CCDC190: variants seen among roughly 807,000 people sequenced by gnomAD.
The protein encoded by CCDC190 is coiled-coil domain containing 190, also known as coiled-coil domain-containing protein 190.
CCDC190 carries 10 observed loss-of-function variants against 13.1 expected under a neutral mutation model. The ratio of observed to expected loss-of-function variants is 0.77; its 90% CI spans 0.47 to 1.30. The LOEUF (loss-of-function observed/expected upper bound fraction) is 1.30. CCDC190 is among the 50% of genes most tolerant of loss of function. The pLI is 0.00. For missense variants in CCDC190, 375 were observed against 354.3 expected, an observed-to-expected ratio of 1.06 and a Z score of -0.47; for synonymous variants, 136 against 127.2, an observed-to-expected ratio of 1.07 and a Z score of -0.47.
intron 2 of CCDC190, among the ~76,000 whole-genome samples, chr1:162,857,545 T>C (rs901365860): frequency 6.6e-6 from 1 of 152,198 alleles, no homozygotes; most frequent in Non-Finnish European, 1.5e-5. Flanking sequence ...GCAGTGATCA[T>C]GTATGCGCCT....
intron 1 of CCDC190, among the ~76,000 whole-genome samples, chr1:162,859,998 C>T (rs1241495205): frequency 6.6e-6 from 1 of 151,100 alleles, no homozygotes; most frequent in African/African-American, 2.4e-5. Context: ...ATATATAAGG[C>T]ATTATTTACC....
At position 162,859,393 on chromosome 1, in the gene CCDC190, G is replaced by A. The variant is rs1033174943; in HGVS notation, c.187+67C>T. 2.0e-5 allele frequency: 29 copies of A among 1,424,656 alleles called. 1 individual carries two copies. Among genetic ancestry groups the A allele is most frequent in the Middle Eastern group, 2.2e-4 (1 of 4,446 alleles). 88.3% of individuals were successfully genotyped at this position (1,424,656 alleles called of 1,614,324 possible). A position where few individuals can be genotyped will look rare whatever the true frequency, so the allele number is the denominator to read the frequency against. On this transcript the variant is annotated intron_variant, in intron 2 of 3. Coordinates refer to ENST00000367912, the MANE Select transcript of CCDC190 (RefSeq NM_001394065.1). ...CTCAGAGCTCTGAAAGGGCCTCAGCGGAGTGATGGGCCTGCTGCCCTGCTG... is the reference window on the plus strand; with the variant it reads ...CTCAGAGCTCTGAAAGGGCCTCAGCAGAGTGATGGGCCTGCTGCCCTGCTG...
At position 162,855,442 on chromosome 1, in the gene CCDC190, C is replaced by G. The variant is rs956552962; in HGVS notation, c.312-83G>C. On this transcript the variant is annotated intron_variant, in intron 3 of 3. Transcript: ENST00000367912. ...ACCTTTCAACTTATTAGGATGTGGC[C>G]CCCTTCAGTATCGGCCAAGGTAATA... is the stretch of plus-strand genomic sequence containing the variant. 2.2e-5 allele frequency: 33 copies of G among 1,490,888 alleles called. No individual in the cohort carries two copies. In the South Asian group the frequency reaches 4.3e-4, roughly 19 times the overall value. The allele number at this position is 1,490,888 out of a possible 1,614,324, so 92.4% of individuals were successfully genotyped here.
Position 162,852,458 on chromosome 1 carries a change from G to C in CCDC190, c.*2307C>G, listed in dbSNP as rs1184301128. ...ATGCAGCAGCGTTCTCTTTGATTGA[G>C]TTAAGTTGTACTAATCAGAGTATTA... On this transcript the variant is annotated 3_prime_UTR_variant, in exon 4 of 4. Transcript: ENST00000367912. 6.6e-6 allele frequency: 1 copy of C among 152,282 alleles called. No individual in the cohort carries two copies. Among genetic ancestry groups the C allele is most frequent in the Non-Finnish European group, 1.5e-5 (1 of 68,096 alleles). 9.4% of individuals were successfully genotyped at this position (152,282 alleles called of 1,614,324 possible).
chr1:162,862,477 C>T (rs1650555471), upstream of CCDC190, among the ~76,000 whole-genome samples: 1 of 152,152 alleles, frequency 6.6e-6, no homozygotes, highest in Admixed American at 6.5e-5. Context: ...ATAGTCATCA[C>T]ATTGCTCTTC....
rs1411197635 is a variant in CCDC190, at chr1:162,852,940, G to A, written c.*1825C>T. The A allele has an allele frequency of 2.8e-5, 17 of 605,890 alleles. No homozygotes were observed. The highest frequency in any genetic ancestry group is 8.4e-5 in the East Asian group (3 of 35,680). The allele number at this position is 605,890 out of a possible 1,614,324, so 37.5% of individuals were successfully genotyped here. A position where few individuals can be genotyped will look rare whatever the true frequency, so the allele number is the denominator to read the frequency against. Reference sequence around the variant, plus strand: ...AAAGAACTTTTAGGAAAGAGCTTGCGCAGTTTACAAAGGGGTTCTCTAATT... The same window carrying A: ...AAAGAACTTTTAGGAAAGAGCTTGCACAGTTTACAAAGGGGTTCTCTAATT... On this transcript the variant is annotated 3_prime_UTR_variant, in exon 4 of 4. Transcript: ENST00000367912.
At chr1:162,866,435 A>C (rs564150236) in intron 1 of CCDC190, among the ~76,000 whole-genome samples, 3 of 150,936 alleles carry the variant, frequency 2.0e-5, no homozygotes, top group Non-Finnish European at 3.0e-5. Flanking sequence ...CATCTCAAAA[A>C]ACAAAAAACA....
chr1:162,863,585 C>T (rs1343675206), upstream of CCDC190, among the ~76,000 whole-genome samples: 1 of 152,158 alleles, frequency 6.6e-6, no homozygotes, highest in Non-Finnish European at 1.5e-5. Context: ...ATTATTGCTA[C>T]AGCTTACTGT....
chr1:162,856,337 T>A (rs1650302139), intron 2 of CCDC190, among the ~76,000 whole-genome samples: 1 of 152,188 alleles, frequency 6.6e-6, no homozygotes, highest in African/African-American at 2.4e-5. Flanking sequence ...TAGTATATGT[T>A]AAAGAGGATT....
chr1:162,867,800 C>T (rs543686449), intron 1 of CCDC190, among the ~76,000 whole-genome samples: 21 of 152,166 alleles, frequency 1.4e-4, no homozygotes, highest in African/African-American at 4.8e-4. Flanking sequence ...ATGAATCTTA[C>T]AGATAACATG....
At chr1:162,858,313 G>A (rs1650380855) in intron 2 of CCDC190, among the ~76,000 whole-genome samples, 1 of 152,182 alleles carries the variant, frequency 6.6e-6, no homozygotes, top group African/African-American at 2.4e-5. Flanking sequence ...CCTCCTAAAA[G>A]TAGGCATCTG....
chr1:162,856,258 T>C (rs569293564), intron 2 of CCDC190, among the ~76,000 whole-genome samples: 34 of 152,326 alleles, frequency 2.2e-4, no homozygotes, highest in Non-Finnish European at 4.3e-4. Flanking sequence ...TTGGTGTATA[T>C]TACACATTAG....
In CCDC190 at chr1:162,853,200, T is replaced by C. The variant is rs1650173125; in HGVS notation, c.*1565A>G. 1 of 1,513,368 alleles carries C rather than the reference T, an allele frequency of 6.6e-7. No individual in the cohort carries two copies. The highest frequency in any genetic ancestry group is 8.9e-7 in the Non-Finnish European group (1 of 1,122,396). The allele number at this position is 1,513,368 out of a possible 1,614,324, so 93.7% of individuals were successfully genotyped here. A position where few individuals can be genotyped will look rare whatever the true frequency, so the allele number is the denominator to read the frequency against. On this transcript the variant is annotated 3_prime_UTR_variant, in exon 4 of 4. Transcript: ENST00000367912. ...CTCTCAAATGTTTGATCTAAGTTTTTGTCTTCAGATAGGTGGTAGTGTGGT... is the reference window on the plus strand; with the variant it reads ...CTCTCAAATGTTTGATCTAAGTTTTCGTCTTCAGATAGGTGGTAGTGTGGT...
chr1:162,855,476 A>C, intron 3 of CCDC190, 117 bp from the exon 4 acceptor site: 2 of 1,455,458 alleles, frequency 1.4e-6, no homozygotes, highest in South Asian at 2.7e-5. Flanking sequence ...TATAGGTGGG[A>C]ATGGGGTGGA....
chr1:162,867,572 CACTGCTGGATACTTA>C (rs1650750847), intron 1 of CCDC190, among the ~76,000 whole-genome samples: 1 of 152,104 alleles, frequency 6.6e-6, no homozygotes, highest in South Asian at 2.1e-4. Flanking sequence ...CCAGCACTTC[CACTGCTGGATACTTA>C]ACCAAGAGAA....
Position 162,854,739 on chromosome 1 carries a change from T to A in CCDC190, c.*26A>T. 1 of 1,570,266 alleles carries A rather than the reference T, an allele frequency of 6.4e-7. No individual in the cohort carries two copies. Among genetic ancestry groups the A allele is most frequent in the Non-Finnish European group, 8.6e-7 (1 of 1,156,810 alleles). On this transcript the variant is annotated 3_prime_UTR_variant, in exon 4 of 4. Coordinates refer to ENST00000367912, the MANE Select transcript of CCDC190 (RefSeq NM_001394065.1). ...ACATTTCCTTAGCAATAATGGCATA[T>A]GTTATTGTCAGGCTATGTTAAACGG...
At chr1:162,856,595 A>T (rs1368285147) in intron 2 of CCDC190, among the ~76,000 whole-genome samples, 1 of 152,212 alleles carries the variant, frequency 6.6e-6, no homozygotes, top group Non-Finnish European at 1.5e-5. Context: ...TGGAGAACTC[A>T]GTCAGTTTTT....
At chr1:162,863,852 C>T (rs143448284), upstream of CCDC190, among the ~76,000 whole-genome samples, 537 of 152,044 alleles carry the variant, frequency 3.5e-3, 9 homozygotes, top group East Asian at 0.034. Flanking sequence ...AACCCCTTCT[C>T]TACTAAAAAT....
chr1:162,851,620 C>G lies in CCDC190; in HGVS notation c.*3145G>C, dbSNP rs1571034960. The G allele has an allele frequency of 6.6e-6, 1 of 152,014 alleles. No individual in the cohort carries two copies. Among genetic ancestry groups the G allele is most frequent in the East Asian group, 1.9e-4 (1 of 5,176 alleles). 9.4% of individuals were successfully genotyped at this position (152,014 alleles called of 1,614,324 possible). On this transcript the variant is annotated 3_prime_UTR_variant, in exon 4 of 4. Coordinates refer to ENST00000367912, the MANE Select transcript of CCDC190 (RefSeq NM_001394065.1). ...TTCTGGGAGTTTCCAGCTGCCTCTG[C>G]CTGTAGGTGAAAAATGGAATCTTTT...
Sources: allele counts gnomAD v4.1 joint callset (sites outside exome capture counted in the v4.1 genomes callset), GRCh38; gene constraint gnomAD v4.1.1; transcripts MANE v1.5; gene names NCBI Gene and HGNC (gene_info 2026-07-23, HGNC 2026-07-21).